PPHLN1: variants seen among roughly 807,000 people sequenced by gnomAD.
PPHLN1 encodes the protein periphilin 1.
In PPHLN1, 29 loss-of-function variants were observed where a neutral mutation model predicts 51.3. That is an observed-to-expected ratio of 0.57 (90% CI 0.42 to 0.77). PPHLN1 has a LOEUF of 0.77. PPHLN1 is among the 30% of genes least tolerant of loss of function. The probability of loss-of-function intolerance (pLI) is 0.00; values close to 1 mark genes in which losing one functional copy is unlikely to be tolerated. For missense variants in PPHLN1, 436 were observed against 438.4 expected, an observed-to-expected ratio of 0.99 and a Z score of 0.05; for synonymous variants, 147 against 147.8, an observed-to-expected ratio of 0.99 and a Z score of 0.04.
rs2082808851 is a variant in PPHLN1 at position 42,440,010 on chromosome 12, C to T, written c.910-1305C>T. ...AATTTATGTAGGTCAAGTTGGGAAG[C>T]ACTTGTATTTTAACAGTATTGACTC... is the stretch of plus-strand genomic sequence containing the variant. On this transcript the variant is annotated intron_variant, in intron 9 of 9. Coordinates refer to ENST00000358314, the MANE Select transcript of PPHLN1 (RefSeq NM_201439.2). Among the ~76,000 whole-genome samples the T allele has an allele frequency of 2.6e-5, 4 of 151,700 alleles. No homozygotes were observed. In the South Asian group the frequency reaches 8.3e-4, roughly 31 times the overall value.
At chr12:42,398,671 TTTC>T (rs1170332599) in intron 8 of PPHLN1, 180 bp from the exon 9 acceptor site, 6 of 456,264 alleles carry the variant, frequency 1.3e-5, no homozygotes, top group African/African-American at 6.0e-5. Context: ...GTAGCAGTCA[TTTC>T]TTCTTTAATC....
In PPHLN1 at chr12:42,368,963, C is replaced by T. The variant is rs181252451; in HGVS notation, c.300-5900C>T. The stretch of plus-strand genomic sequence containing the variant: ...AAATTGTGCTTGAAAACTTTCAGGA[C>T]GTGCGTAATTATTTAGATTGGAGGT... On this transcript the variant is annotated intron_variant, in intron 4 of 9. Transcript: ENST00000358314. 4.7e-3 allele frequency among the ~76,000 whole-genome samples: 720 copies of T among 152,234 alleles called. 7 individuals carry two copies. Among genetic ancestry groups the T allele is most frequent in the African/African-American group, 0.017 (690 of 41,524 alleles).
At chr12:42,332,571 T>G in intron 1 of PPHLN1, 1 of 904,056 alleles carries the variant, frequency 1.1e-6, no homozygotes, top group East Asian at 2.7e-5. Flanking sequence ...GAGTTCTGTT[T>G]ATACAATTAA....
intron 9 of PPHLN1, among the ~76,000 whole-genome samples, chr12:42,426,228 A>ACACACACACACACCC (rs371819974): frequency 7.7e-6 from 1 of 129,788 alleles, no homozygotes; most frequent in African/African-American, 3.3e-5. Flanking sequence ...ACACACACAC[A>ACACACACACACACCC]CCCTCATGCA....
In PPHLN1 at chr12:42,441,832, C is replaced by T. The variant is rs1006177197; in HGVS notation, c.*323C>T. The T allele has an allele frequency of 3.8e-6, 4 of 1,040,672 alleles. No homozygotes were observed. The highest frequency in any genetic ancestry group is 3.5e-6 in the Non-Finnish European group (3 of 867,170). The allele number at this position is 1,040,672 out of a possible 1,614,324, so 64.5% of individuals were successfully genotyped here. A position where few individuals can be genotyped will look rare whatever the true frequency, so the allele number is the denominator to read the frequency against. On this transcript the variant is annotated 3_prime_UTR_variant, in exon 10 of 10. Coordinates refer to ENST00000358314, the MANE Select transcript of PPHLN1 (RefSeq NM_201439.2). ...ACCGCTCCCTGCCCAACACATATAC[C>T]ATCTGAAAATGTTAGAATTCTGAGT...
chr12:42,407,608 G>A (rs906324326), intron 9 of PPHLN1, among the ~76,000 whole-genome samples: 2 of 152,136 alleles, frequency 1.3e-5, no homozygotes, highest in Middle Eastern at 3.2e-3. Context: ...CTCAGTATCC[G>A]TGGGGAATTG....
At chr12:42,389,241 C>A (rs1399172486) in intron 7 of PPHLN1, among the ~76,000 whole-genome samples, 1 of 152,132 alleles carries the variant, frequency 6.6e-6, no homozygotes, top group East Asian at 1.9e-4. Flanking sequence ...GCCGTGGTGG[C>A]AGGCGCCTGT....
At chr12:42,398,734 T>A (rs962968144) in intron 8 of PPHLN1, 120 bp from the exon 9 acceptor site, 36 of 833,142 alleles carry the variant, frequency 4.3e-5, no homozygotes, top group Non-Finnish European at 3.0e-5. Context: ...AGTTTTCTTT[T>A]CTTAAAACAT....
intron 4 of PPHLN1, among the ~76,000 whole-genome samples, chr12:42,365,838 A>G (rs967212249): frequency 6.6e-6 from 1 of 152,220 alleles, no homozygotes; most frequent in Non-Finnish European, 1.5e-5. Flanking sequence ...TGGAGGCCTC[A>G]TAATCCTGGT....
At chr12:42,356,322 A>G (rs953093705) in intron 4 of PPHLN1, among the ~76,000 whole-genome samples, 5 of 152,176 alleles carry the variant, frequency 3.3e-5, no homozygotes, top group Non-Finnish European at 7.3e-5. Flanking sequence ...CTGTCCCCAA[A>G]TCCCACAGGG....
chr12:42,337,320 A>G (rs975671879), intron 2 of PPHLN1, among the ~76,000 whole-genome samples: 1 of 149,260 alleles, frequency 6.7e-6, no homozygotes, highest in Admixed American at 6.7e-5. Context: ...CTGGAGTGCA[A>G]TGGCGCAGTC....
intron 4 of PPHLN1, among the ~76,000 whole-genome samples, chr12:42,371,267 G>T (rs1275254594): frequency 6.6e-6 from 1 of 151,934 alleles, no homozygotes; most frequent in Admixed American, 6.6e-5. Context: ...GTACCAGTGG[G>T]TGCCACCTCG....
At chr12:42,391,703 C>T (rs2077731302) in intron 7 of PPHLN1, among the ~76,000 whole-genome samples, 1 of 149,766 alleles carries the variant, frequency 6.7e-6, no homozygotes, top group Non-Finnish European at 1.5e-5. Context: ...TTTAAAAAAA[C>T]CTTCTATTAC....
intron 4 of PPHLN1, among the ~76,000 whole-genome samples, chr12:42,365,322 T>C (rs2075152689): frequency 6.6e-6 from 1 of 152,226 alleles, no homozygotes; most frequent in Non-Finnish European, 1.5e-5. Context: ...GTAGCCAATA[T>C]TTTATATGAA....
At chr12:42,338,325 T>C (rs1297132056) in intron 2 of PPHLN1, among the ~76,000 whole-genome samples, 2 of 152,226 alleles carry the variant, frequency 1.3e-5, no homozygotes, top group Non-Finnish European at 2.9e-5. Flanking sequence ...ATTGTGTGCT[T>C]TATTACTTTG....
chr12:42,431,577 T>C, intron 9 of PPHLN1: 1 of 633,326 alleles, frequency 1.6e-6, no homozygotes, highest in Non-Finnish European at 2.9e-6. Context: ...ATGCAAAGAC[T>C]GGCGATCCAT....
At chr12:42,336,251 A>G (rs1214651180) in intron 2 of PPHLN1, among the ~76,000 whole-genome samples, 1 of 152,264 alleles carries the variant, frequency 6.6e-6, no homozygotes, top group African/African-American at 2.4e-5. Context: ...CAGATTTTAT[A>G]AAGATTATAC....
rs573948575 is a variant in PPHLN1, at chr12:42,364,686, C to T, written c.299+9464C>T. On this transcript the variant is annotated intron_variant, in intron 4 of 9. Coordinates refer to ENST00000358314, the MANE Select transcript of PPHLN1 (RefSeq NM_201439.2). ...TTGTAATCTAAGCACTTTGGGAGCCCGAGGTGGGTGGATCACCTGAGGTCA... is the reference window on the plus strand; with the variant it reads ...TTGTAATCTAAGCACTTTGGGAGCCTGAGGTGGGTGGATCACCTGAGGTCA... Among the ~76,000 whole-genome samples, 20 of 152,016 alleles carry T rather than the reference C, an allele frequency of 1.3e-4. No individual in the cohort carries two copies. In the South Asian group the frequency reaches 1.9e-3, roughly 14 times the overall value.
chr12:42,402,815 G>A (rs1026180131), intron 9 of PPHLN1, among the ~76,000 whole-genome samples: 23 of 152,264 alleles, frequency 1.5e-4, no homozygotes, highest in African/African-American at 5.5e-4. Flanking sequence ...TTCTTCCGTA[G>A]ATAGGGTGTT....
Sources: gnomAD v4.1 joint callset for allele counts (sites outside exome capture counted in the v4.1 genomes callset) on GRCh38, gnomAD v4.1.1 for gene constraint, MANE v1.5 for transcripts, NCBI Gene and HGNC (gene_info 2026-07-23, HGNC 2026-07-21) for gene names.